CCDC171: variants seen among roughly 807,000 people sequenced by gnomAD.
CCDC171 encodes the protein coiled-coil domain-containing protein 171.
CCDC171 carries 177 observed loss-of-function variants against 168.2 expected under a neutral mutation model. That is an observed-to-expected ratio of 1.05 (90% CI 0.93 to 1.19). The LOEUF is 1.19. CCDC171 is among the 50% of genes most tolerant of loss of function. The probability of loss-of-function intolerance (pLI) is 0.00; values close to 1 mark genes in which losing one functional copy is unlikely to be tolerated. For missense variants in CCDC171, 1,991 were observed against 1,539.0 expected, an observed-to-expected ratio of 1.29 and a Z score of -4.91; for synonymous variants, 687 against 540.8, an observed-to-expected ratio of 1.27 and a Z score of -3.75.
rs746314951 is a variant in CCDC171 at position 15,859,632 on chromosome 9, G to T, written c.3468+10685G>T. 8.4e-5 allele frequency among the ~76,000 whole-genome samples: 8 copies of T among 95,512 alleles called. No individual in the cohort carries two copies. The South Asian group carries it at 9.2e-4, about 11-fold the overall frequency. 62.7% of individuals were successfully genotyped at this position (95,512 alleles called of 152,430 possible). A position where few individuals can be genotyped will look rare whatever the true frequency, so the allele number is the denominator to read the frequency against. The stretch of plus-strand genomic sequence containing the variant: ...CTTTCCCCCTCTGCCCCCACCCCCC[G>T]AATCTTTTTGTTTTGTTTTGTTTTG... On this transcript the variant is annotated intron_variant, in intron 23 of 25. Coordinates refer to ENST00000380701, the MANE Select transcript of CCDC171 (RefSeq NM_173550.4).
intron 21 of CCDC171, among the ~76,000 whole-genome samples, chr9:15,808,561 C>A (rs1200819921): frequency 6.6e-6 from 1 of 152,098 alleles, no homozygotes; most frequent in Non-Finnish European, 1.5e-5. Flanking sequence ...TATTGTTGAA[C>A]AATAAATCTG....
intron 9 of CCDC171, among the ~76,000 whole-genome samples, chr9:15,670,794 T>A (rs978117168): frequency 2.6e-5 from 4 of 152,216 alleles, no homozygotes; most frequent in African/African-American, 7.2e-5. Context: ...CTTTGTTTTG[T>A]TTATTGCTGT....
In CCDC171 at chr9:16,054,910, C is replaced by CG. The variant is rs1833811798; in HGVS notation, n.90-5730dup. Among the ~76,000 whole-genome samples the CG allele has an allele frequency of 2.6e-5, 4 of 152,220 alleles. No individual in the cohort carries two copies. The South Asian group carries it at 8.3e-4, about 32-fold the overall frequency. The stretch of plus-strand genomic sequence containing the variant: ...CACACATATATCCAAACACGCAGGG[C>CG]GGGGGGCAGGTGGAACTACCTTGGT... On this transcript the variant is annotated intron_variant and non_coding_transcript_variant, in intron 1 of 1. Coordinates refer to the CCDC171 transcript ENST00000478913.
At chr9:15,658,598 T>G (rs982137883) in intron 8 of CCDC171, among the ~76,000 whole-genome samples, 2 of 152,158 alleles carry the variant, frequency 1.3e-5, no homozygotes, top group African/African-American at 4.8e-5. Flanking sequence ...TTTATCTAGT[T>G]GAGACTGATG....
At chr9:16,071,391 C>T in the CCDC171 span, among the ~76,000 whole-genome samples, 1 of 152,188 alleles carries the variant, frequency 6.6e-6, no homozygotes, top group Non-Finnish European at 1.5e-5. Context: ...TCTGTGTCTT[C>T]CCCCTAAGTC....
chr9:16,079,751 T>TA, the CCDC171 span, among the ~76,000 whole-genome samples: 9 of 152,348 alleles, frequency 5.9e-5, no homozygotes, highest in Non-Finnish European at 1.0e-4. Flanking sequence ...AGCAACCTGA[T>TA]ACGCATGGAA....
chr9:15,865,439 A>C (rs2131058830), intron 23 of CCDC171, among the ~76,000 whole-genome samples: 1 of 150,766 alleles, frequency 6.6e-6, no homozygotes, highest in East Asian at 2.0e-4. Flanking sequence ...ATGGGTTCGA[A>C]TTGTGTGGGT....
chr9:15,935,504 C>T (rs4582646), intron 25 of CCDC171, among the ~76,000 whole-genome samples: 48,193 of 151,850 alleles, frequency 0.32, 9,460 homozygotes, highest in East Asian at 0.62. Context: ...TGTCTTGTTC[C>T]TGTGTCAGTT....
At chr9:15,983,064 C>T (rs141814991) in intron 3 of CCDC171, among the ~76,000 whole-genome samples, 6 of 152,254 alleles carry the variant, frequency 3.9e-5, no homozygotes, top group African/African-American at 1.2e-4. Context: ...TAACTATGGA[C>T]TTGTGTTTGC....
chr9:15,780,378 G>A (rs2057602539), intron 20 of CCDC171, among the ~76,000 whole-genome samples: 1 of 151,588 alleles, frequency 6.6e-6, no homozygotes, highest in Admixed American at 6.6e-5. Context: ...AAAAATACAA[G>A]AAAGTATTAA....
At chr9:15,741,798 C>T (rs1588235326) in intron 16 of CCDC171, among the ~76,000 whole-genome samples, 1 of 152,098 alleles carries the variant, frequency 6.6e-6, no homozygotes. Context: ...AATAACACAC[C>T]AAATACAATG....
intron 18 of CCDC171, among the ~76,000 whole-genome samples, chr9:15,750,392 A>C (rs1334855051): frequency 6.6e-6 from 1 of 152,242 alleles, no homozygotes; most frequent in Non-Finnish European, 1.5e-5. Flanking sequence ...CCAGAGGTAC[A>C]AAGAGGAGCT....
chr9:15,860,064 A>G (rs954671788), intron 23 of CCDC171, among the ~76,000 whole-genome samples: 2 of 150,616 alleles, frequency 1.3e-5, no homozygotes, highest in Non-Finnish European at 3.0e-5. Context: ...TATCTACTAT[A>G]TTGCATATAA....
intron 24 of CCDC171, among the ~76,000 whole-genome samples, chr9:15,900,326 A>G (rs1238361163): frequency 6.6e-6 from 1 of 152,190 alleles, no homozygotes; most frequent in Non-Finnish European, 1.5e-5. Context: ...GCATTTGGCA[A>G]GGAGCTGAGT....
downstream of CCDC171, chr9:15,974,070 G>T (rs1330210254): frequency 1.3e-5 from 2 of 151,978 alleles, no homozygotes; most frequent in South Asian, 4.1e-4. Context: ...GGTACATTTT[G>T]TACAGTGAAT....
At chr9:16,003,817 A>G (rs1034012063) in intron 3 of CCDC171, among the ~76,000 whole-genome samples, 2 of 152,224 alleles carry the variant, frequency 1.3e-5, no homozygotes, top group Non-Finnish European at 2.9e-5. Context: ...CTTAACTGCA[A>G]AGTATCCCTT....
intron 3 of CCDC171, among the ~76,000 whole-genome samples, chr9:16,009,230 T>C (rs1301336139): frequency 6.6e-6 from 1 of 152,122 alleles, no homozygotes; most frequent in Non-Finnish European, 1.5e-5. Context: ...TAGAGTGGTC[T>C]GACCTTAGGA....
At chr9:15,894,423 A>C (rs1475475928) in intron 24 of CCDC171, among the ~76,000 whole-genome samples, 1 of 152,054 alleles carries the variant, frequency 6.6e-6, no homozygotes, top group Non-Finnish European at 1.5e-5. Flanking sequence ...ATGTAACCCT[A>C]AACTTAAAAG....
At chr9:15,962,717 C>A (rs922393847) in intron 25 of CCDC171, among the ~76,000 whole-genome samples, 1 of 151,918 alleles carries the variant, frequency 6.6e-6, no homozygotes, top group Non-Finnish European at 1.5e-5. Flanking sequence ...GATAAAAAAT[C>A]ATGGAAAGAA....
Sources: allele counts gnomAD v4.1 joint callset (sites outside exome capture counted in the v4.1 genomes callset), GRCh38; gene constraint gnomAD v4.1.1; transcripts MANE v1.5; gene names NCBI Gene and HGNC (gene_info 2026-07-23, HGNC 2026-07-21).